The following XPO7 variants were observed in gnomAD, a reference collection of about 807,000 sequenced individuals.
XPO7 encodes the protein exportin-7.
Under a neutral mutation model 144.3 loss-of-function variants are expected in XPO7, and 21 were observed. The ratio of observed to expected loss-of-function variants is 0.15; its 90% CI spans 0.10 to 0.21. XPO7 has a LOEUF of 0.21. Among genes scored for constraint, XPO7 ranks in the 10% least tolerant of loss-of-function variants. The pLI, the probability that XPO7 is intolerant of heterozygous loss-of-function variation, is 1.00. For missense variants in XPO7, 808 were observed against 1,325.8 expected, an observed-to-expected ratio of 0.61 and a Z score of 6.06; for synonymous variants, 580 against 499.6, an observed-to-expected ratio of 1.16 and a Z score of -2.15.
At chr8:21,980,248 G>T in intron 9 of XPO7, 45 bp downstream of exon 9, 2 of 1,536,074 alleles carry the variant, frequency 1.3e-6, no homozygotes, top group Non-Finnish European at 8.8e-7. Context: ...TTAGTGTATG[G>T]CCAGCTGTTA....
chr8:21,977,201 T>C (rs1007577301), intron 7 of XPO7, among the ~76,000 whole-genome samples: 1 of 152,236 alleles, frequency 6.6e-6, no homozygotes, highest in Non-Finnish European at 1.5e-5. Context: ...TTAAATTCTT[T>C]TTATGGACAG....
intron 27 of XPO7, 29 bp from the exon 28 acceptor site, chr8:22,004,965 TC>T (rs1324128689): frequency 5.3e-6 from 4 of 752,464 alleles, no homozygotes; most frequent in Admixed American, 5.6e-5. Flanking sequence ...CCCACTCTCC[TC>T]CCCCAACCCA....
intron 1 of XPO7, chr8:21,964,005 AATT>A (rs1176867323): frequency 1.3e-5 from 2 of 152,176 alleles, no homozygotes; most frequent in African/African-American, 2.4e-5. Context: ...CCTTCATTGT[AATT>A]ATTGTTGGTA....
intron 1 of XPO7, among the ~76,000 whole-genome samples, chr8:21,935,532 A>G (rs1810794118): frequency 6.6e-6 from 1 of 152,126 alleles, no homozygotes; most frequent in Non-Finnish European, 1.5e-5. Context: ...GTCTTAACTC[A>G]TATATTTGGT....
At position 21,966,942 on chromosome 8, in the gene XPO7, T is replaced by C; in HGVS notation, c.104T>C (p.Val35Ala). 3 of 1,614,030 alleles carry C rather than the reference T, an allele frequency of 1.9e-6. No homozygotes were observed. The highest frequency in any genetic ancestry group is 1.7e-6 in the Non-Finnish European group (2 of 1,179,884). ...TTRLQAEKAL[V>A]EFTNSPDCLS... ...CGACTCCAGGCAGAGAAAGCCTTGG[T>C]TGAATTTACCAACAGCCCTGATTGC... is the stretch of plus-strand genomic sequence containing the variant. The change falls in exon 2 of 28, where the codon GTT (valine) becomes GCT (alanine). Residue 35 changes from valine to alanine, a missense_variant. Val to Ala is a moderately conservative substitution (Grantham distance 64). Around this residue, in one of 5 missense-constraint regions of XPO7, gnomAD observed 223 missense variants for 368.8 expected, o/e 0.60. Coordinates refer to ENST00000252512, the MANE Select transcript of XPO7 (RefSeq NM_015024.5).
Position 21,920,607 on chromosome 8 carries a change from A to G in XPO7, c.18+819A>G, listed in dbSNP as rs117132256. Among the ~76,000 whole-genome samples, 574 of 152,308 alleles carry G rather than the reference A, an allele frequency of 3.8e-3. 1 individual carries two copies. Among genetic ancestry groups the G allele is most frequent in the Non-Finnish European group, 6.0e-3 (406 of 68,028 alleles). ...TGTGGGGCCAGGCCACTCTCCTCAAAGACAGGCACAGGCCCTAGAAAGGGA... is the reference window on the plus strand; with the variant it reads ...TGTGGGGCCAGGCCACTCTCCTCAAGGACAGGCACAGGCCCTAGAAAGGGA... On this transcript the variant is annotated intron_variant, in intron 1 of 27. Transcript: ENST00000252512.
At chr8:21,959,803 A>T (rs933521301) in intron 1 of XPO7, among the ~76,000 whole-genome samples, 9 of 152,200 alleles carry the variant, frequency 5.9e-5, no homozygotes, top group African/African-American at 2.2e-4. Context: ...CATGTAACAA[A>T]ATGCATTTAC....
At chr8:21,940,042 A>T (rs1353812733) in intron 1 of XPO7, among the ~76,000 whole-genome samples, 1 of 152,228 alleles carries the variant, frequency 6.6e-6, no homozygotes, top group African/African-American at 2.4e-5. Flanking sequence ...TGTGAAGTTG[A>T]TCTTCACACT....
chr8:21,932,656 TGTC>T (rs1023204035), intron 1 of XPO7, among the ~76,000 whole-genome samples: 4 of 152,236 alleles, frequency 2.6e-5, no homozygotes, highest in Non-Finnish European at 5.9e-5. Flanking sequence ...TAAAACTGTC[TGTC>T]TTCTTCCTTT....
intron 1 of XPO7, among the ~76,000 whole-genome samples, chr8:21,959,653 A>G (rs74759112): frequency 2.0e-5 from 3 of 152,188 alleles, no homozygotes; most frequent in Non-Finnish European, 4.4e-5. Flanking sequence ...TAAAAAAAAA[A>G]TGTCCTAATC....
At position 22,005,039 on chromosome 8, in the gene XPO7, C is replaced by G. The variant is rs755315495; in HGVS notation, c.3215C>G (p.Ser1072Ter). ...LSAFRREVND[S>*]MKNSTYGVNS... ...GCATTCCGTCGAGAAGTCAACGACT[C>G]AATGAAGAATTCCACTTATGGCGTG... Residue 1072 changes from serine to a stop codon, truncating the protein, a stop_gained, in exon 28 of 28, where the codon TCA becomes TGA. Coordinates refer to ENST00000252512, the MANE Select transcript of XPO7 (RefSeq NM_015024.5). LOFTEE classifies it high-confidence loss of function. 4 of 1,612,726 alleles carry G rather than the reference C, an allele frequency of 2.5e-6. No individual in the cohort carries two copies. The highest frequency in any genetic ancestry group is 1.3e-5 in the African/African-American group (1 of 74,794).
chr8:21,944,453 G>C (rs1027395744), intron 1 of XPO7, among the ~76,000 whole-genome samples: 1 of 152,096 alleles, frequency 6.6e-6, no homozygotes, highest in Non-Finnish European at 1.5e-5. Flanking sequence ...TGTAATCCCA[G>C]CTACTCGGGA....
At chr8:21,983,576 C>A (rs1439342667) in intron 11 of XPO7, among the ~76,000 whole-genome samples, 1 of 152,140 alleles carries the variant, frequency 6.6e-6, no homozygotes, top group Non-Finnish European at 1.5e-5. Context: ...ATGAAGTTCA[C>A]CAGCAAGCCT....
At chr8:21,946,588 A>AC (rs1248123088) in intron 1 of XPO7, among the ~76,000 whole-genome samples, 5 of 144,120 alleles carry the variant, frequency 3.5e-5, no homozygotes, top group African/African-American at 1.3e-4. Context: ...AAAAAAAACA[A>AC]AAAAAAAAAA....
At chr8:21,949,148 C>A (rs1024172268) in intron 1 of XPO7, among the ~76,000 whole-genome samples, 9 of 152,202 alleles carry the variant, frequency 5.9e-5, no homozygotes, top group African/African-American at 2.2e-4. Context: ...TCACATTTTT[C>A]AGAAAAATCT....
At chr8:21,975,005 G>C (rs1812180788) in intron 6 of XPO7, among the ~76,000 whole-genome samples, 1 of 152,228 alleles carries the variant, frequency 6.6e-6, no homozygotes, top group South Asian at 2.1e-4. Context: ...CCTAGGTAAA[G>C]AGCAGTAAGT....
Position 21,980,149 on chromosome 8 carries a change from C to G in XPO7, c.903C>G (p.Ala301=), listed in dbSNP as rs1164771228. ...RRSLFNNAER[A]KFLSHLVDGV... Reference sequence around the variant, plus strand: ...CCCTGTTTAACAATGCAGAGAGGGCCAAGTTTCTCTCTCATCTTGTTGATG... The same window carrying G: ...CCCTGTTTAACAATGCAGAGAGGGCGAAGTTTCTCTCTCATCTTGTTGATG... Residue 301 remains alanine (A), a synonymous_variant, in exon 9 of 28, where the codon GCC becomes GCG. Coordinates refer to ENST00000252512, the MANE Select transcript of XPO7 (RefSeq NM_015024.5). 6.2e-7 allele frequency: 1 copy of G among 1,605,708 alleles called. No homozygotes were observed. Among genetic ancestry groups the G allele is most frequent in the Non-Finnish European group, 8.5e-7 (1 of 1,175,696 alleles).
chr8:21,938,740 T>A (rs1585422898), intron 1 of XPO7, among the ~76,000 whole-genome samples: 3 of 152,138 alleles, frequency 2.0e-5, no homozygotes, highest in African/African-American at 7.2e-5. Flanking sequence ...TACCCTTATA[T>A]TAACTTTTTA....
At chr8:21,976,758 G>T (rs538431975) in intron 7 of XPO7, among the ~76,000 whole-genome samples, 5 of 152,314 alleles carry the variant, frequency 3.3e-5, no homozygotes, top group South Asian at 4.1e-4. Flanking sequence ...GACTCAAGCA[G>T]TCTTCCCATC....
Sources: gnomAD v4.1 joint callset for allele counts (sites outside exome capture counted in the v4.1 genomes callset) on GRCh38, gnomAD v4.1.1 for gene constraint, gnomAD v4.1.1 regional missense constraint, MANE v1.5 for transcripts, NCBI Gene and HGNC (gene_info 2026-07-23, HGNC 2026-07-21) for gene names.